SERPINB10: variants seen among roughly 807,000 people sequenced by gnomAD.
SERPINB10 encodes the protein serpin B10.
SERPINB10 carries 35 observed loss-of-function variants against 39.1 expected under a neutral mutation model. That is an observed-to-expected ratio of 0.90 (90% CI 0.68 to 1.19). SERPINB10 has a LOEUF of 1.19. SERPINB10 is among the 50% of genes most tolerant of loss of function. The probability of loss-of-function intolerance (pLI) is 0.00; values close to 1 mark genes in which losing one functional copy is unlikely to be tolerated. For missense variants in SERPINB10, 546 were observed against 460.5 expected (o/e 1.19, Z -1.70); for synonymous variants, 190 against 158.1 (o/e 1.20, Z -1.52).
intron 5 of SERPINB10, among the ~76,000 whole-genome samples, chr18:63,924,649 C>T (rs2050168351): frequency 6.6e-6 from 1 of 151,892 alleles, no homozygotes; most frequent in African/African-American, 2.4e-5. Context: ...ATGTTCCCTG[C>T]CCCCAACAAG....
chr18:63,911,743 T>C (rs2050066187), intron 1 of SERPINB10, among the ~76,000 whole-genome samples: 1 of 152,010 alleles, frequency 6.6e-6, no homozygotes, highest in African/African-American at 2.4e-5. Flanking sequence ...TTGCTTAGGG[T>C]TGCTTTGGAT....
rs149788289 is a variant in SERPINB10, at chr18:63,919,799, A to C, written c.384A>C (p.Glu128Asp). 1 of 1,595,228 alleles carries C rather than the reference A, an allele frequency of 6.3e-7. No homozygotes were observed. ...TCTATGTCTTTCAGAAATATTTAGAAGACATGAAAACATATTTTGGTGCAG... is the reference window on the plus strand; with the variant it reads ...TCTATGTCTTTCAGAAATATTTAGACGACATGAAAACATATTTTGGTGCAG... ...KTYAFHNKYL[E>D]DMKTYFGAEP... The change falls in exon 5 of 8, where the codon GAA becomes GAC. Residue 128 changes from glutamate (E) to aspartate (D), a missense_variant. By Grantham distance (45) the Glu-to-Asp change is conservative (BLOSUM62 2). Coordinates refer to ENST00000238508, the MANE Select transcript of SERPINB10 (RefSeq NM_005024.3).
At chr18:63,914,824 G>A (rs2050089718) in intron 1 of SERPINB10, among the ~76,000 whole-genome samples, 1 of 151,964 alleles carries the variant, frequency 6.6e-6, no homozygotes, top group South Asian at 2.1e-4. Context: ...TTCCATTAGA[G>A]ATGACATTTA....
At chr18:63,910,041 G>T (rs2050052586) in intron 1 of SERPINB10, among the ~76,000 whole-genome samples, 1 of 151,968 alleles carries the variant, frequency 6.6e-6, no homozygotes, top group South Asian at 2.1e-4. Context: ...GAAGCTGTTT[G>T]GTTAAGTGTA....
chr18:63,930,030 CT>C lies in SERPINB10; in HGVS notation c.491-11del. 2.5e-6 allele frequency: 4 copies of C among 1,612,250 alleles called. No homozygotes were observed. Among genetic ancestry groups the C allele is most frequent in the Non-Finnish European group, 3.4e-6 (4 of 1,179,126 alleles). ...TTTCTACAAGTCATTTGCAACCTGC[CT>C]TTTGTTCTTACAGGTAAAATCCAGA... On this transcript the variant is annotated splice_polypyrimidine_tract_variant and intron_variant, in intron 5 of 7. Transcript: ENST00000238508.
At position 63,924,448 on chromosome 18, in the gene SERPINB10, C is replaced by A. The variant is rs569719611; in HGVS notation, c.490+4543C>A. Among the ~76,000 whole-genome samples, 120 of 152,066 alleles carry A rather than the reference C, an allele frequency of 7.9e-4. 2 individuals carry two copies. Among genetic ancestry groups the A allele is most frequent in the African/African-American group, 2.8e-3 (117 of 41,520 alleles). ...AGTCAATAAACACAATTTCTGTAAACCAGTGACTCTCAATCGTGGCAACAT... is the reference window on the plus strand; with the variant it reads ...AGTCAATAAACACAATTTCTGTAAAACAGTGACTCTCAATCGTGGCAACAT... On this transcript the variant is annotated intron_variant, in intron 5 of 7. Coordinates refer to ENST00000238508, the MANE Select transcript of SERPINB10 (RefSeq NM_005024.3).
intron 5 of SERPINB10, among the ~76,000 whole-genome samples, chr18:63,921,507 C>A (rs975804764): frequency 2.6e-5 from 4 of 151,920 alleles, no homozygotes; most frequent in Non-Finnish European, 5.9e-5. Flanking sequence ...TCAGAGTTCA[C>A]TTTTCCTTTC....
intron 2 of SERPINB10, 26 bp from the exon 3 acceptor site, chr18:63,917,430 C>T: frequency 7.2e-7 from 1 of 1,391,202 alleles, no homozygotes; most frequent in Non-Finnish European, 9.9e-7. Context: ...GCAGTCTATT[C>T]ATTTGTATTT....
rs745810178 is a variant in SERPINB10 at position 63,935,250 on chromosome 18, A to G, written c.*8A>G. 11 of 1,552,914 alleles carry G rather than the reference A, an allele frequency of 7.1e-6. No individual in the cohort carries two copies. The South Asian group carries it at 1.1e-4, about 16-fold the overall frequency. On this transcript the variant is annotated 3_prime_UTR_variant, in exon 8 of 8. Coordinates refer to ENST00000238508, the MANE Select transcript of SERPINB10 (RefSeq NM_005024.3). ...AGATTATGCTCCCCCTAAATCCTGC[A>G]TATCTCTCAACAAACAAGACCATCT...
At chr18:63,928,758 G>C (rs373646466) in intron 5 of SERPINB10, among the ~76,000 whole-genome samples, 20 of 151,610 alleles carry the variant, frequency 1.3e-4, no homozygotes, top group South Asian at 6.2e-4. Flanking sequence ...AGAGGTCCTT[G>C]ACATCCCTTG....
At chr18:63,913,853 G>T (rs929252557) in intron 1 of SERPINB10, among the ~76,000 whole-genome samples, 2 of 152,024 alleles carry the variant, frequency 1.3e-5, no homozygotes, top group African/African-American at 4.8e-5. Flanking sequence ...TGTCAATGGG[G>T]TGTTAAAGTC....
Position 63,935,148 on chromosome 18 carries a change from C to T in SERPINB10, c.1100C>T (p.Ser367Phe). 1.9e-6 allele frequency: 3 copies of T among 1,613,364 alleles called. No individual in the cohort carries two copies. The highest frequency in any genetic ancestry group is 2.2e-5 in the South Asian group (2 of 91,078). ...ATAGATATACGAATTAGAGTCCCAT[C>T]CATTGAATTCAATGCAAATCACCCA... ...SEIDIRIRVP[S>F]IEFNANHPFL... Residue 367 changes from serine to phenylalanine, a missense_variant, in exon 8 of 8, where the codon TCC becomes TTC. Transcript: ENST00000238508.
chr18:63,908,585 G>T (rs555871750), intron 1 of SERPINB10, among the ~76,000 whole-genome samples: 5 of 152,042 alleles, frequency 3.3e-5, no homozygotes, highest in Admixed American at 6.6e-5. Context: ...TGGGCCATTA[G>T]CTTTCTTCTC....
At chr18:63,917,295 C>A (rs925544144) in intron 2 of SERPINB10, among the ~76,000 whole-genome samples, 161 bp from the exon 3 acceptor site, 22 of 151,962 alleles carry the variant, frequency 1.4e-4, no homozygotes, top group Non-Finnish European at 7.4e-5. Context: ...CAGTTCTTGA[C>A]TTATTTTATT....
At chr18:63,912,934 T>C (rs1441879788) in intron 1 of SERPINB10, among the ~76,000 whole-genome samples, 1 of 151,832 alleles carries the variant, frequency 6.6e-6, no homozygotes, top group African/African-American at 2.4e-5. Context: ...GGTAGGATTT[T>C]ATAATTGATT....
intron 1 of SERPINB10, among the ~76,000 whole-genome samples, chr18:63,912,058 T>G (rs1047572913): frequency 6.6e-6 from 1 of 151,912 alleles, no homozygotes; most frequent in Non-Finnish European, 1.5e-5. Flanking sequence ...TAAATGGAAT[T>G]GTAGTCTTGA....
At position 63,917,469 on chromosome 18, in the gene SERPINB10, A is replaced by G. The variant is rs1381984846; in HGVS notation, c.182A>G (p.Asn61Ser). The change falls in exon 3 of 8, where the codon AAC becomes AGC. Residue 61 changes from asparagine (N) to serine (S), a missense_variant. Coordinates refer to ENST00000238508, the MANE Select transcript of SERPINB10 (RefSeq NM_005024.3). ...AAQMAQVLQF[N>S]RDQGVKCDPE... ...TTGAAATTACAGGTGCTTCAATTTA[A>G]CAGAGACCAGGGAGTCAAATGTGAC... 6.3e-7 allele frequency: 1 copy of G among 1,581,614 alleles called. No individual in the cohort carries two copies. The highest frequency in any genetic ancestry group is 1.8e-5 in the Admixed American group (1 of 55,452).
rs760530747 is a variant in SERPINB10, at chr18:63,935,096, G to A, written c.1048G>A (p.Glu350Lys). ...TGTGGAAATAAATGAACAAGGTACTGAAGCTGCAGCTGGCAGTGGGAGTGA... is the reference window on the plus strand; with the variant it reads ...TGTGGAAATAAATGAACAAGGTACTAAAGCTGCAGCTGGCAGTGGGAGTGA... ...AFVEINEQGT[E>K]AAAGSGSEID... The change falls in exon 8 of 8, where the codon GAA becomes AAA. Residue 350 changes from glutamate to lysine, a missense_variant. By Grantham distance (56) the Glu-to-Lys change is moderately conservative. Transcript: ENST00000238508. 2.4e-5 allele frequency: 39 copies of A among 1,614,116 alleles called. No homozygotes were observed. Among genetic ancestry groups the A allele is most frequent in the Non-Finnish European group, 3.3e-5 (39 of 1,180,026 alleles).
chr18:63,909,090 G>A (rs914979723), intron 1 of SERPINB10, among the ~76,000 whole-genome samples: 1 of 151,998 alleles, frequency 6.6e-6, no homozygotes. Flanking sequence ...TGATGTGCTA[G>A]GGGCATGCGA....
Sources: allele counts gnomAD v4.1 joint callset (sites outside exome capture counted in the v4.1 genomes callset), GRCh38; gene constraint gnomAD v4.1.1; transcripts MANE v1.5; gene names NCBI Gene and HGNC (gene_info 2026-07-23, HGNC 2026-07-21).